LCORL: variants seen among roughly 807,000 people sequenced by gnomAD.
The protein encoded by LCORL is ligand-dependent nuclear receptor corepressor-like protein.
Under a neutral mutation model 141.8 loss-of-function variants are expected in LCORL, and 41 were observed. That is an observed-to-expected ratio of 0.29 (90% CI 0.23 to 0.38). The LOEUF (loss-of-function observed/expected upper bound fraction) is 0.38. LCORL is among the 10% of genes least tolerant of loss of function. The probability of loss-of-function intolerance (pLI) is 1.00; values close to 1 mark genes in which losing one functional copy is unlikely to be tolerated. For synonymous variants in LCORL, 618 were observed against 694.1 expected (o/e 0.89, Z 1.72); for missense variants, 1,759 against 2,035.0 (o/e 0.86, Z 2.61).
intron 4 of LCORL, among the ~76,000 whole-genome samples, chr4:17,937,998 A>T (rs1433583541): frequency 7.0e-6 from 1 of 143,626 alleles, no homozygotes. Context: ...AAATTTAAAC[A>T]ATTTCTTTTT....
chr4:17,974,006 T>C (rs1031010590), intron 1 of LCORL, among the ~76,000 whole-genome samples: 3 of 152,048 alleles, frequency 2.0e-5, no homozygotes, highest in Non-Finnish European at 2.9e-5. Flanking sequence ...CTAGTTCCCA[T>C]GAGTAGAAAT....
chr4:17,843,409 A>G, exon 8 of LCORL: 1 of 1,611,344 alleles, frequency 6.2e-7, no homozygotes, highest in Non-Finnish European at 8.5e-7. Flanking sequence ...CAATTTCTCA[A>G]TGAAGATCTA....
intron 1 of LCORL, among the ~76,000 whole-genome samples, chr4:18,018,407 G>GT (rs1387513731): frequency 6.6e-6 from 1 of 152,068 alleles, no homozygotes; most frequent in Non-Finnish European, 1.5e-5. Context: ...GTACCACAAT[G>GT]TAAGTAGAGA....
chr4:17,874,414 C>T, exon 7 of LCORL: 2 of 1,233,768 alleles, frequency 1.6e-6, no homozygotes, highest in East Asian at 3.2e-5. Context: ...GGGTTTCGGG[C>T]ATTTGCTTTT....
Position 17,945,105 on chromosome 4 carries a change from G to A in LCORL, c.430+16798C>T, listed in dbSNP as rs113412521. On this transcript the variant is annotated intron_variant, in intron 4 of 7. Transcript: ENST00000635767. ...GATTCCTTATATCTTAGCAAATTAA[G>A]AAACACAGAGAAAGAATAAGACGCT... Among the ~76,000 whole-genome samples, 1,179 of 152,098 alleles carry A rather than the reference G, an allele frequency of 7.8e-3. 11 individuals are homozygous for A. The highest frequency in any genetic ancestry group is 0.027 in the African/African-American group (1,116 of 41,524).
chr4:17,871,047 CCAGT>C (rs753257325), intron 7 of LCORL, among the ~76,000 whole-genome samples: 79 of 152,048 alleles, frequency 5.2e-4, no homozygotes, highest in Non-Finnish European at 1.0e-3. Flanking sequence ...TCTTAAGTCT[CCAGT>C]CAGTAATTTA....
chr4:17,973,118 AAAACAACT>A (rs1394042810), intron 1 of LCORL, among the ~76,000 whole-genome samples: 1 of 151,864 alleles, frequency 6.6e-6, no homozygotes, highest in Non-Finnish European at 1.5e-5. Flanking sequence ...ATTCACTACT[AAAACAACT>A]AAACAACTTT....
intron 4 of LCORL, among the ~76,000 whole-genome samples, chr4:17,920,948 A>C (rs886244549): frequency 6.6e-6 from 1 of 152,182 alleles, no homozygotes; most frequent in East Asian, 1.9e-4. Context: ...GTTGGAATCA[A>C]CTTTTTCCAA....
At chr4:17,989,959 G>C (rs1258449146) in intron 1 of LCORL, among the ~76,000 whole-genome samples, 1 of 152,082 alleles carries the variant, frequency 6.6e-6, no homozygotes, top group African/African-American at 2.4e-5. Context: ...TCAGCCAAGG[G>C]CCATCCTCTG....
intron 5 of LCORL, among the ~76,000 whole-genome samples, chr4:17,886,662 T>C (rs1333562956): frequency 1.3e-5 from 2 of 152,068 alleles, no homozygotes; most frequent in Admixed American, 6.6e-5. Flanking sequence ...CTAGAACTCA[T>C]AGTGTAAAAT....
At chr4:17,863,334 A>G (rs1048780491) in intron 7 of LCORL, among the ~76,000 whole-genome samples, 2 of 152,220 alleles carry the variant, frequency 1.3e-5, no homozygotes, top group African/African-American at 4.8e-5. Context: ...AAAATATGTG[A>G]GCAAAGGACA....
exon 7 of LCORL, chr4:17,876,050 T>G: frequency 8.1e-7 from 1 of 1,231,116 alleles, no homozygotes; most frequent in Non-Finnish European, 1.0e-6. Flanking sequence ...AAGTGCCAAC[T>G]GAAGTTAAAG....
chr4:17,875,787 C>G, exon 7 of LCORL: 1 of 1,231,126 alleles, frequency 8.1e-7, no homozygotes, highest in Non-Finnish European at 1.0e-6. Flanking sequence ...ATCAGTAGCA[C>G]TGCTTGAATT....
chr4:17,988,783 G>A (rs147973044), intron 1 of LCORL, among the ~76,000 whole-genome samples: 6,818 of 152,166 alleles, frequency 0.045, 221 homozygotes, highest in Non-Finnish European at 0.066. Flanking sequence ...TCAGGAGTTC[G>A]AGACCAGCCT....
chr4:17,968,738 T>C (rs550414884), intron 2 of LCORL, among the ~76,000 whole-genome samples: 1 of 152,186 alleles, frequency 6.6e-6, no homozygotes, highest in Admixed American at 6.5e-5. Flanking sequence ...CTATGTCCAA[T>C]AAAACTTTAT....
At chr4:17,897,146 T>C (rs1453421066) in intron 5 of LCORL, among the ~76,000 whole-genome samples, 1 of 148,804 alleles carries the variant, frequency 6.7e-6, no homozygotes, top group Non-Finnish European at 1.5e-5. Context: ...TTCTTCCAAA[T>C]CTTGGCTATT....
chr4:17,972,856 C>T, exon 2 of LCORL: 1 of 1,436,012 alleles, frequency 7.0e-7, no homozygotes, highest in Non-Finnish European at 9.1e-7. Flanking sequence ...AGCCGTGGTC[C>T]ATAAAGCCCT....
exon 7 of LCORL, chr4:17,873,628 T>C: frequency 8.1e-7 from 1 of 1,233,974 alleles, no homozygotes; most frequent in Non-Finnish European, 1.0e-6. Flanking sequence ...TCTATTTCTT[T>C]AGATTGCTTT....
chr4:17,861,850 T>C (rs1417210677), intron 7 of LCORL, among the ~76,000 whole-genome samples: 1 of 152,210 alleles, frequency 6.6e-6, no homozygotes, highest in Non-Finnish European at 1.5e-5. Flanking sequence ...ATGTTGCCAG[T>C]CTCTTTGCTA....
Sources: allele counts gnomAD v4.1 joint callset (sites outside exome capture counted in the v4.1 genomes callset), GRCh38; gene constraint gnomAD v4.1.1; transcripts MANE v1.5; gene names NCBI Gene and HGNC (gene_info 2026-07-23, HGNC 2026-07-21).